Variants in OMA1 observed in about 807,000 individuals in gnomAD.
OMA1 encodes the protein metalloendopeptidase OMA1, mitochondrial.
A neutral mutation model predicts 30.9 loss-of-function variants in OMA1; 38 were observed. The ratio of observed to expected loss-of-function variants is 1.23; its 90% CI spans 0.95 to 1.61. The LOEUF (loss-of-function observed/expected upper bound fraction) is 1.61, where lower values mean the gene tolerates loss of function less well. OMA1 is among the 40% of genes most tolerant of loss of function. The probability of loss-of-function intolerance (pLI) is 0.00; values close to 1 mark genes in which losing one functional copy is unlikely to be tolerated. For missense variants in OMA1, 461 were observed against 349.2 expected (o/e 1.32, Z -2.55); for synonymous variants, 173 against 121.9 (o/e 1.42, Z -2.76).
intron 8 of OMA1, among the ~76,000 whole-genome samples, chr1:58,492,178 G>A (rs1365160905): frequency 3.9e-5 from 6 of 152,094 alleles, no homozygotes; most frequent in African/African-American, 9.7e-5. Context: ...GGTACATAAC[G>A]AAATGAAGGC....
At chr1:58,488,701 C>T (rs553957965) in intron 8 of OMA1, among the ~76,000 whole-genome samples, 4 of 152,288 alleles carry the variant, frequency 2.6e-5, no homozygotes, top group East Asian at 3.9e-4. Context: ...TCTCCTGCCT[C>T]GGCCTCCAAA....
At chr1:58,541,670 T>C (rs554716517) in intron 1 of OMA1, 7 of 132,402 alleles carry the variant, frequency 5.3e-5, no homozygotes, top group Admixed American at 5.2e-4. Context: ...AAAACCCAGA[T>C]TGAGGGAATC....
chr1:58,502,432 T>G (rs991029245), intron 8 of OMA1, among the ~76,000 whole-genome samples: 1 of 152,220 alleles, frequency 6.6e-6, no homozygotes, highest in East Asian at 1.9e-4. Context: ...TCACTTCTTT[T>G]TAGATGACTC....
chr1:58,510,340 T>G (rs1461137690), intron 7 of OMA1, among the ~76,000 whole-genome samples: 1 of 152,054 alleles, frequency 6.6e-6, no homozygotes, highest in African/African-American at 2.4e-5. Context: ...AAAAATCAAT[T>G]AATGTGATAT....
At chr1:58,530,802 T>C in intron 5 of OMA1, 73 bp from the exon 6 acceptor site, 1 of 785,018 alleles carries the variant, frequency 1.3e-6, no homozygotes, top group Non-Finnish European at 2.2e-6. Context: ...TTCTAGTTCA[T>C]CATGTGTTAC....
intron 7 of OMA1, among the ~76,000 whole-genome samples, chr1:58,520,530 T>C (rs1646245869): frequency 6.6e-6 from 1 of 152,052 alleles, no homozygotes; most frequent in African/African-American, 2.4e-5. Context: ...GACTAACTTT[T>C]CCCCAAAAAA....
Position 58,539,257 on chromosome 1 carries a change from T to A in OMA1, c.38A>T (p.Asn13Ile). 1.2e-6 allele frequency: 1 copy of A among 868,094 alleles called. No individual in the cohort carries two copies. Among genetic ancestry groups the A allele is most frequent in the Non-Finnish European group, 2.0e-6 (1 of 500,360 alleles). 53.8% of individuals were successfully genotyped at this position (868,094 alleles called of 1,614,324 possible). Reference protein sequence around the residue: ...FICGLQSAARNHVFFRFNSLS... With the variant: ...FICGLQSAARIHVFFRFNSLS... The stretch of plus-strand genomic sequence containing the variant: ...TGAATTAAATCGGAAGAAAACATGG[T>A]TTCTAGCAGCAGACTGCAATCCACA... Residue 13 changes from asparagine (N) to isoleucine (I), a missense_variant, in exon 2 of 9, where the codon AAC becomes ATC. Physicochemically the swap from Asn to Ile is moderately radical, Grantham distance 149 (BLOSUM62 -3). Coordinates refer to ENST00000371226, the MANE Select transcript of OMA1 (RefSeq NM_145243.5).
At chr1:58,520,313 T>A (rs1168920448) in intron 7 of OMA1, among the ~76,000 whole-genome samples, 1 of 152,036 alleles carries the variant, frequency 6.6e-6, no homozygotes, top group East Asian at 1.9e-4. Context: ...AAGACACATA[T>A]CTGACAAAGA....
chr1:58,543,424 A>T (rs181655497), intron 1 of OMA1, among the ~76,000 whole-genome samples: 102 of 152,298 alleles, frequency 6.7e-4, no homozygotes, highest in African/African-American at 2.4e-3. Context: ...ATCTCAGCCC[A>T]CATTAAATCA....
At chr1:58,521,257 T>C (rs1021502996) in intron 7 of OMA1, among the ~76,000 whole-genome samples, 2 of 151,514 alleles carry the variant, frequency 1.3e-5, no homozygotes, top group African/African-American at 4.9e-5. Context: ...AAAAATAACA[T>C]ATCAACCCTT....
At chr1:58,489,779 T>A (rs6662028) in intron 8 of OMA1, among the ~76,000 whole-genome samples, 17,609 of 152,118 alleles carry the variant, frequency 0.12, 1,222 homozygotes, top group African/African-American at 0.18. Flanking sequence ...ACATTGGCTG[T>A]TCACCAATAT....
At chr1:58,514,363 G>C (rs976182593) in intron 7 of OMA1, among the ~76,000 whole-genome samples, 10 of 152,138 alleles carry the variant, frequency 6.6e-5, no homozygotes, top group African/African-American at 2.4e-4. Flanking sequence ...AGAGAAATAT[G>C]TATAAATAGA....
At chr1:58,498,177 A>G (rs766947984) in intron 8 of OMA1, among the ~76,000 whole-genome samples, 27 of 152,172 alleles carry the variant, frequency 1.8e-4, no homozygotes, top group South Asian at 2.1e-4. Context: ...TCATTAAGCT[A>G]TTCAAATTAT....
intron 1 of OMA1, among the ~76,000 whole-genome samples, chr1:58,544,362 A>C (rs1156568290): frequency 6.6e-6 from 1 of 152,216 alleles, no homozygotes. Flanking sequence ...ATTTTAAAAA[A>C]CCCTCCCCAA....
intron 7 of OMA1, among the ~76,000 whole-genome samples, chr1:58,507,944 T>A (rs1646014957): frequency 6.6e-6 from 1 of 152,156 alleles, no homozygotes; most frequent in African/African-American, 2.4e-5. Context: ...GGACTACAAA[T>A]TCACGAATTA....
At chr1:58,515,026 T>C (rs1646138307) in intron 7 of OMA1, among the ~76,000 whole-genome samples, 1 of 152,186 alleles carries the variant, frequency 6.6e-6, no homozygotes, top group Non-Finnish European at 1.5e-5. Flanking sequence ...TTGATTATTA[T>C]ACACTACAAT....
At chr1:58,523,277 G>A (rs1485098945) in intron 7 of OMA1, among the ~76,000 whole-genome samples, 1 of 152,100 alleles carries the variant, frequency 6.6e-6, no homozygotes, top group Non-Finnish European at 1.5e-5. Flanking sequence ...GCTCTGTGTG[G>A]TCACGCACAA....
intron 8 of OMA1, among the ~76,000 whole-genome samples, chr1:58,493,739 T>C (rs1366507348): frequency 6.6e-6 from 1 of 151,782 alleles, no homozygotes; most frequent in Non-Finnish European, 1.5e-5. Flanking sequence ...CAAGGAGAAC[T>C]ACAAACCACT....
At position 58,496,169 on chromosome 1, in the gene OMA1, C is replaced by CTTTTTTTTTTTTTTTTTTTTTTTTTTTTT. The variant is rs375006213; in HGVS notation, c.1365+9890_1365+9891insAAAAAAAAAAAAAAAAAAAAAAAAAAAAA. 3.4e-5 allele frequency among the ~76,000 whole-genome samples: 5 copies of CTTTTTTTTTTTTTTTTTTTTTTTTTTTTT among 144,970 alleles called. No homozygotes were observed. In the East Asian group the frequency reaches 1.1e-3, roughly 31 times the overall value. On this transcript the variant is annotated intron_variant, in intron 8 of 8. Coordinates refer to ENST00000371226, the MANE Select transcript of OMA1 (RefSeq NM_145243.5). ...TTCAATATTCTTTCATTTTTTTAGA[C>CTTTTTTTTTTTTTTTTTTTTTTTTTTTTT]TTTTTTTTTTTGGCTTTGGGCATTT...
Sources: allele counts gnomAD v4.1 joint callset (sites outside exome capture counted in the v4.1 genomes callset), GRCh38; gene constraint gnomAD v4.1.1; transcripts MANE v1.5; gene names NCBI Gene and HGNC (gene_info 2026-07-23, HGNC 2026-07-21).